Variants in PTK7 observed in about 807,000 individuals in gnomAD.
PTK7 encodes protein tyrosine kinase 7 (inactive), also known as inactive tyrosine-protein kinase 7.
PTK7 carries 39 observed loss-of-function variants against 116.6 expected under a neutral mutation model. That is an observed-to-expected ratio of 0.33 (90% CI 0.26 to 0.44). The LOEUF is 0.44. PTK7 is among the 20% of genes least tolerant of loss of function. PTK7 has a pLI of 1.00. For missense variants in PTK7, 1,169 were observed against 1,425.6 expected (o/e 0.82, Z 2.90); for synonymous variants, 546 against 563.6 (o/e 0.97, Z 0.44).
rs750039085 is a variant in PTK7, at chr6:43,144,460, T to G, written c.2261T>G (p.Leu754Trp). The change falls in exon 15 of 20, where the codon TTG becomes TGG. Residue 754 changes from leucine (L) to tryptophan (W), a missense_variant. Coordinates refer to ENST00000230419, the MANE Select transcript of PTK7 (RefSeq NM_002821.5). ...PEMECLNGGP[L>W]QNGQPSAEIQ... ...TCCTCCTCCTTCCCAGGTGGGCCTTTGCAGAACGGGCAGCCCTCAGCAGAG... is the reference window on the plus strand; with the variant it reads ...TCCTCCTCCTTCCCAGGTGGGCCTTGGCAGAACGGGCAGCCCTCAGCAGAG... The G allele has an allele frequency of 4.3e-6, 7 of 1,614,056 alleles. No individual in the cohort carries two copies. The African/African-American group carries it at 9.3e-5, about 22-fold the overall frequency.
At chr6:43,157,833 T>C (rs903414607) in intron 17 of PTK7, among the ~76,000 whole-genome samples, 5 of 151,564 alleles carry the variant, frequency 3.3e-5, no homozygotes, top group Non-Finnish European at 5.9e-5. Context: ...TTCAAGCGAT[T>C]CTTCTGCCTC....
Position 43,160,846 on chromosome 6 carries a change from G to T in PTK7, c.3178G>T (p.Ala1060Ser), listed in dbSNP as rs765317932. Residue 1060 changes from alanine (A) to serine (S), a missense_variant, in exon 20 of 20, where the codon GCC (alanine) becomes TCC (serine). By Grantham distance (99) the Ala-to-Ser change is moderately conservative (BLOSUM62 1). This residue lies in a region of PTK7 where 678 missense variants were observed against 853.8 expected (regional missense o/e 0.79). Transcript: ENST00000230419. ...GCCCTCCTTCAGTGAGATTGCCAGC[G>T]CCCTGGGAGACAGCACCGTGGACAG... ...DRPSFSEIASALGDSTVDSKP is the reference protein window; with the variant it reads ...DRPSFSEIASSLGDSTVDSKP The T allele has an allele frequency of 6.2e-7, 1 of 1,614,056 alleles. No homozygotes were observed. Among genetic ancestry groups the T allele is most frequent in the Non-Finnish European group, 8.5e-7 (1 of 1,180,028 alleles).
intron 1 of PTK7, among the ~76,000 whole-genome samples, chr6:43,102,549 A>G (rs1007773286): frequency 6.6e-6 from 1 of 151,896 alleles, no homozygotes; most frequent in African/African-American, 2.4e-5. Flanking sequence ...AGATCCTACC[A>G]CTGCATTCCA....
At position 43,129,918 on chromosome 6, in the gene PTK7, C is replaced by A. The variant is rs1480199496; in HGVS notation, c.470+89C>A. ...TGGACTCTATGCGGATGTTACCTCG[C>A]TCCATTCTGTGACCACTCGTTCCAC... On this transcript the variant is annotated intron_variant, in intron 3 of 19. Transcript: ENST00000230419. This position sits in a 1 kb window ranked among gnomAD's most constrained non-coding sequence, Gnocchi z 4.5. 6 of 1,279,102 alleles carry A rather than the reference C, an allele frequency of 4.7e-6. No individual in the cohort carries two copies. The highest frequency in any genetic ancestry group is 6.7e-6 in the Non-Finnish European group (6 of 897,992). 79.2% of individuals were successfully genotyped at this position (1,279,102 alleles called of 1,614,324 possible). A position where few individuals can be genotyped will look rare whatever the true frequency, so the allele number is the denominator to read the frequency against.
Position 43,160,807 on chromosome 6 carries a change from A to G in PTK7, c.3139A>G (p.Ser1047Gly), listed in dbSNP as rs370353329. The change falls in exon 20 of 20, where the codon AGC (serine) becomes GGC (glycine). Residue 1047 changes from serine to glycine, a missense_variant. By Grantham distance (56) the Ser-to-Gly change is moderately conservative (BLOSUM62 0). This residue lies in a region of PTK7 where 678 missense variants were observed against 853.8 expected (regional missense o/e 0.79). Coordinates refer to ENST00000230419, the MANE Select transcript of PTK7 (RefSeq NM_002821.5). ...GCTGATGCAGCGCTGCTGGGCCCTC[A>G]GCCCCAAGGACCGGCCCTCCTTCAG... ...YRLMQRCWAL[S>G]PKDRPSFSEI... 4 of 1,614,040 alleles carry G rather than the reference A, an allele frequency of 2.5e-6. No homozygotes were observed. The highest frequency in any genetic ancestry group is 3.4e-6 in the Non-Finnish European group (4 of 1,180,028).
At chr6:43,098,579 C>T (rs1469807501) in intron 1 of PTK7, among the ~76,000 whole-genome samples, 4 of 152,228 alleles carry the variant, frequency 2.6e-5, no homozygotes, top group South Asian at 4.1e-4. Context: ...TGGTCTCGAA[C>T]TCCTGACCTC....
At position 43,076,794 on chromosome 6, in the gene PTK7, G is replaced by C; in HGVS notation, c.79+227G>C. 1.6e-5 allele frequency: 23 copies of C among 1,408,366 alleles called. No homozygotes were observed. The highest frequency in any genetic ancestry group is 2.0e-5 in the Non-Finnish European group (22 of 1,081,310). The allele number at this position is 1,408,366 out of a possible 1,614,324, so 87.2% of individuals were successfully genotyped here. A position where few individuals can be genotyped will look rare whatever the true frequency, so the allele number is the denominator to read the frequency against. On this transcript the variant is annotated intron_variant, in intron 1 of 19. Coordinates refer to ENST00000230419, the MANE Select transcript of PTK7 (RefSeq NM_002821.5). The surrounding 1 kb of genome is among the most constrained non-coding windows in gnomAD (Gnocchi z 5.7). The stretch of plus-strand genomic sequence containing the variant: ...AGGGTACCCCTCCCACTCGCGCCGC[G>C]GGGACGCATTTCCAGCCTCCCTGAG...
chr6:43,090,471 AG>A (rs577195155), intron 1 of PTK7, among the ~76,000 whole-genome samples: 140 of 152,304 alleles, frequency 9.2e-4, no homozygotes, highest in Admixed American at 1.8e-3. Flanking sequence ...GGGCTGTTTA[AG>A]GGCGTTTATG....
In PTK7 at chr6:43,132,064, G is replaced by A. The variant is rs1769716120; in HGVS notation, c.861G>A (p.Leu287=). The A allele has an allele frequency of 6.2e-7, 1 of 1,614,114 alleles. No homozygotes were observed. Among genetic ancestry groups the A allele is most frequent in the Non-Finnish European group, 8.5e-7 (1 of 1,180,038 alleles). Residue 287 remains leucine (L), a synonymous_variant, in exon 6 of 20, where the codon CTG becomes CTA. Transcript: ENST00000230419. ...RATVFANGSL[L]LTQVRPRNAG... is the part of the protein sequence containing the mutation. ...CAGTGTTTGCCAACGGGTCTCTGCTGCTGACCCAGGTCCGGCCACGCAATG... is the reference window on the plus strand; with the variant it reads ...CAGTGTTTGCCAACGGGTCTCTGCTACTGACCCAGGTCCGGCCACGCAATG...
At chr6:43,136,463 C>T (rs1317624539) in intron 7 of PTK7, among the ~76,000 whole-genome samples, 2 of 152,136 alleles carry the variant, frequency 1.3e-5, no homozygotes, top group African/African-American at 4.8e-5. Flanking sequence ...TGGGTGTACA[C>T]GTTTGCAGTC....
At chr6:43,121,325 C>T (rs1233224102) in intron 1 of PTK7, among the ~76,000 whole-genome samples, 15 of 152,202 alleles carry the variant, frequency 9.9e-5, no homozygotes. Flanking sequence ...GATGTAAGAG[C>T]TGGCCTGCTA....
At chr6:43,144,210 G>T in intron 14 of PTK7, 2 of 536,162 alleles carry the variant, frequency 3.7e-6, no homozygotes, top group Non-Finnish European at 3.3e-6. Flanking sequence ...GTCTGCAGTT[G>T]GCTTCATCTC....
At chr6:43,084,232 G>A (rs886268785) in intron 1 of PTK7, among the ~76,000 whole-genome samples, 1 of 152,200 alleles carries the variant, frequency 6.6e-6, no homozygotes, top group African/African-American at 2.4e-5. Context: ...TTGGGCTCAA[G>A]TGATTCTCCC....
intron 17 of PTK7, among the ~76,000 whole-genome samples, chr6:43,153,103 A>G (rs1007022106): frequency 2.8e-5 from 4 of 144,128 alleles, no homozygotes; most frequent in Non-Finnish European, 4.5e-5. Flanking sequence ...TATTTAATGT[A>G]TTTTATTTAT....
chr6:43,079,414 C>A (rs910696408), intron 1 of PTK7, among the ~76,000 whole-genome samples: 1 of 123,448 alleles, frequency 8.1e-6, no homozygotes, highest in South Asian at 2.8e-4. Context: ...TTGCAGTGAT[C>A]GTGCCACTGC....
intron 1 of PTK7, among the ~76,000 whole-genome samples, chr6:43,086,561 C>T (rs973230239): frequency 2.0e-5 from 3 of 152,076 alleles, no homozygotes; most frequent in Admixed American, 6.6e-5. Context: ...CAGTCGTGGG[C>T]GCAGTGGCTT....
intron 1 of PTK7, among the ~76,000 whole-genome samples, chr6:43,116,733 C>T (rs1050537895): frequency 2.0e-5 from 3 of 151,714 alleles, no homozygotes; most frequent in Admixed American, 6.6e-5. Flanking sequence ...TGGAAACAGA[C>T]GAGGGTGAGT....
intron 1 of PTK7, among the ~76,000 whole-genome samples, chr6:43,118,739 ATGTGTGTGTATG>A (rs1182690703): frequency 1.6e-5 from 2 of 123,478 alleles, no homozygotes; most frequent in Non-Finnish European, 3.2e-5. Context: ...ATATGTATAT[ATGTGTGTGTATG>A]TGTGTGTGTG....
At chr6:43,160,016 G>T (rs1347742838) in intron 19 of PTK7, 50 bp downstream of exon 19, 3 of 1,569,242 alleles carry the variant, frequency 1.9e-6, no homozygotes, top group Non-Finnish European at 2.6e-6. Context: ...CCCAGATGGG[G>T]CCTACTCAGG....
Sources: allele counts gnomAD v4.1 joint callset (sites outside exome capture counted in the v4.1 genomes callset), GRCh38; gene constraint gnomAD v4.1.1; regional missense constraint gnomAD v4.1.1; non-coding constraint Gnocchi (gnomAD v3.1); transcripts MANE v1.5; gene names NCBI Gene and HGNC (gene_info 2026-07-23, HGNC 2026-07-21).